Variants in DMD observed in about 807,000 individuals in gnomAD.
DMD encodes the protein dystrophin, also known as mutant dystrophin.
In DMD, 63 loss-of-function variants were observed where a neutral mutation model predicts 330.1. The ratio of observed to expected loss-of-function variants is 0.19; its 90% CI spans 0.16 to 0.24. The LOEUF is 0.24. Among genes scored for constraint, DMD ranks in the 10% least tolerant of loss-of-function variants. DMD has a pLI of 1.00. For missense variants in DMD, 3,344 were observed against 2,684.1 expected (o/e 1.25, Z -5.43); for synonymous variants, 1,223 against 959.8 (o/e 1.27, Z -5.07).
At chrX:32,998,650 TACACACAC>T (rs74957846) in intron 2 of DMD, among the ~76,000 whole-genome samples, 1 of 107,259 alleles carries the variant, frequency 9.3e-6, no homozygotes, top group African/African-American at 3.4e-5. Flanking sequence ...TATGTTTATA[TACACACAC>T]ACACACAAAT....
At chrX:33,108,085 C>A (rs958381042) in intron 1 of DMD, among the ~76,000 whole-genome samples, 1 of 110,705 alleles carries the variant, frequency 9.0e-6, no homozygotes, top group Non-Finnish European at 1.9e-5. Context: ...TTTCCATTAA[C>A]TAAAATAAAT....
intron 11 of DMD, among the ~76,000 whole-genome samples, chrX:32,634,199 C>A (rs1224413590): frequency 8.9e-6 from 1 of 111,904 alleles, no homozygotes; most frequent in African/African-American, 3.2e-5. Flanking sequence ...AGGGCCAAGG[C>A]CACTTTGGCC....
chrX:32,516,796 C>T (rs946166369), intron 18 of DMD: 1 of 111,461 alleles, frequency 9.0e-6, no homozygotes, highest in South Asian at 3.7e-4. Flanking sequence ...TGAAAAAAGA[C>T]ATTTAGCTAA....
chrX:32,335,475 T>C (rs187493935), intron 41 of DMD, among the ~76,000 whole-genome samples: 7 of 98,786 alleles, frequency 7.1e-5, no homozygotes, highest in African/African-American at 2.1e-4. Context: ...ATATAACATG[T>C]ATTTATAACA....
chrX:32,747,380 G>C (rs1341788871), intron 7 of DMD, among the ~76,000 whole-genome samples: 1 of 112,175 alleles, frequency 8.9e-6, no homozygotes, highest in Admixed American at 9.5e-5. Context: ...CCTCACCTGG[G>C]AGACAGTTGT....
At chrX:31,994,719 T>A (rs938907565) in intron 44 of DMD, among the ~76,000 whole-genome samples, 8 of 111,808 alleles carry the variant, frequency 7.2e-5, no homozygotes, top group Admixed American at 2.8e-4. Flanking sequence ...ATCATCAGCC[T>A]TTGGAAATGG....
intron 50 of DMD, among the ~76,000 whole-genome samples, chrX:31,778,021 G>A (rs1037430649): frequency 1.8e-5 from 2 of 111,961 alleles, no homozygotes; most frequent in African/African-American, 6.5e-5. Context: ...TTTCAAACCT[G>A]TGTCCTTTCA....
chrX:32,559,901 TTC>T (rs1371832338), intron 16 of DMD, among the ~76,000 whole-genome samples: 1 of 111,413 alleles, frequency 9.0e-6, no homozygotes, highest in East Asian at 2.8e-4. Flanking sequence ...AATAATCATT[TTC>T]TCTTTTTGGG....
At chrX:32,189,589 TCTC>T (rs1403974938) in intron 44 of DMD, among the ~76,000 whole-genome samples, 7 of 105,603 alleles carry the variant, frequency 6.6e-5, no homozygotes, top group Non-Finnish European at 1.4e-4. Context: ...TCTTTATCCT[TCTC>T]CTTCCTTTTA....
intron 2 of DMD, among the ~76,000 whole-genome samples, chrX:33,009,961 TAC>T (rs2093629616): frequency 1.4e-5 from 1 of 73,964 alleles, no homozygotes; most frequent in Non-Finnish European, 2.5e-5. Context: ...TATGTGTATA[TAC>T]ACATATGTGT....
intron 1 of DMD, among the ~76,000 whole-genome samples, chrX:33,332,010 T>A (rs1396126349): frequency 9.0e-6 from 1 of 111,520 alleles, no homozygotes; most frequent in Non-Finnish European, 1.9e-5. Flanking sequence ...ATGTATGGAG[T>A]TATAAAAAAG....
rs191809983 is a variant in DMD, at chrX:33,057,196, C to A, written c.32-36996G>T. ...ATATTGTTAGGAGCTTCTACAATAGCAAAATTCAAAATCACATTATCATTT... is the reference window on the plus strand; with the variant it reads ...ATATTGTTAGGAGCTTCTACAATAGAAAAATTCAAAATCACATTATCATTT... On this transcript the variant is annotated intron_variant, in intron 1 of 78. Transcript: ENST00000357033. Among the ~76,000 whole-genome samples, 5 of 110,078 alleles carry A rather than the reference C, an allele frequency of 4.5e-5. No individual in the cohort carries two copies. The East Asian group carries it at 1.4e-3, about 32-fold the overall frequency.
intron 9 of DMD, among the ~76,000 whole-genome samples, chrX:32,667,058 CA>C (rs1025526015): frequency 1.8e-5 from 2 of 110,286 alleles, no homozygotes; most frequent in Non-Finnish European, 3.8e-5. Context: ...GACATTATGG[CA>C]TATATGCAAT....
At chrX:32,165,734 C>A (rs1194555105) in intron 44 of DMD, among the ~76,000 whole-genome samples, 2 of 111,497 alleles carry the variant, frequency 1.8e-5, no homozygotes, top group Middle Eastern at 4.6e-3. Context: ...GTGTCCCCAC[C>A]CAAATCTCAT....
intron 9 of DMD, among the ~76,000 whole-genome samples, chrX:32,682,180 C>T (rs1371339387): frequency 9.0e-6 from 1 of 111,648 alleles, no homozygotes; most frequent in Non-Finnish European, 1.9e-5. Flanking sequence ...TTGTAAATTC[C>T]TTAAGGGCAA....
At chrX:32,528,806 A>C (rs1466963711) in intron 17 of DMD, among the ~76,000 whole-genome samples, 1 of 109,990 alleles carries the variant, frequency 9.1e-6, no homozygotes, top group East Asian at 2.8e-4. Context: ...AGACAAACTC[A>C]ACCAATTGTC....
At chrX:32,497,707 A>G (rs1314124667) in intron 19 of DMD, among the ~76,000 whole-genome samples, 2 of 111,841 alleles carry the variant, frequency 1.8e-5, no homozygotes, top group East Asian at 5.6e-4. Context: ...ACTGTTTTAC[A>G]AAAAGGATTA....
chrX:32,406,942 A>T (rs1243296528), intron 30 of DMD, among the ~76,000 whole-genome samples: 1 of 111,508 alleles, frequency 9.0e-6, no homozygotes, highest in African/African-American at 3.3e-5. Flanking sequence ...CTGAAACTGG[A>T]TCCCTTCCTT....
intron 32 of DMD, among the ~76,000 whole-genome samples, chrX:32,388,055 A>T (rs866944837): frequency 8.9e-6 from 1 of 111,734 alleles, no homozygotes; most frequent in Non-Finnish European, 1.9e-5. Flanking sequence ...GTAAACAATG[A>T]AAAAACTAAA....
Sources: allele counts gnomAD v4.1 joint callset (sites outside exome capture counted in the v4.1 genomes callset), GRCh38; gene constraint gnomAD v4.1.1; transcripts MANE v1.5; gene names NCBI Gene and HGNC (gene_info 2026-07-23, HGNC 2026-07-21).